Variants in SLC44A5 observed in about 807,000 individuals in gnomAD.
SLC44A5 encodes the protein choline transporter-like protein 5.
In SLC44A5, 57 loss-of-function variants were observed where a neutral mutation model predicts 101.8. The observed-to-expected ratio is 0.56, with a 90% CI of 0.45 to 0.70. The LOEUF (loss-of-function observed/expected upper bound fraction) is 0.70. SLC44A5 is among the 30% of genes least tolerant of loss of function. SLC44A5 has a pLI of 0.00. For synonymous variants in SLC44A5, 281 were observed against 290.9 expected, an observed-to-expected ratio of 0.97 and a Z score of 0.35; for missense variants, 737 against 853.1, an observed-to-expected ratio of 0.86 and a Z score of 1.70.
At chr1:75,505,594 C>T (rs1669207612) in intron 2 of SLC44A5, among the ~76,000 whole-genome samples, 1 of 152,130 alleles carries the variant, frequency 6.6e-6, no homozygotes, top group Non-Finnish European at 1.5e-5. Flanking sequence ...TTTCATGCCT[C>T]TGATGATTAA....
intron 2 of SLC44A5, among the ~76,000 whole-genome samples, chr1:75,508,712 A>G (rs1275127586): frequency 6.6e-6 from 1 of 152,214 alleles, no homozygotes; most frequent in Non-Finnish European, 1.5e-5. Context: ...AGAGACTATT[A>G]TGAACATCTC....
At chr1:75,615,931 G>C (rs1330200133), upstream of SLC44A5, 4 of 971,600 alleles carry the variant, frequency 4.1e-6, no homozygotes, top group Non-Finnish European at 4.9e-6. Flanking sequence ...CGCTTCCTCC[G>C]GCTGCCGCGC....
the SLC44A5 span, among the ~76,000 whole-genome samples, chr1:75,716,486 A>AAAAAG: frequency 2.6e-5 from 4 of 152,018 alleles, no homozygotes; most frequent in Admixed American, 1.3e-4. Flanking sequence ...AAGGAAAAAC[A>AAAAAG]AAAAGAAAAG....
At chr1:75,320,898 T>C (rs1656090039) in intron 4 of SLC44A5, among the ~76,000 whole-genome samples, 1 of 152,250 alleles carries the variant, frequency 6.6e-6, no homozygotes, top group African/African-American at 2.4e-5. Context: ...AATAAGCTAC[T>C]GATACATGAC....
At chr1:75,388,283 T>C (rs551119313) in intron 3 of SLC44A5, among the ~76,000 whole-genome samples, 1 of 146,034 alleles carries the variant, frequency 6.8e-6, no homozygotes, top group Non-Finnish European at 1.5e-5. Flanking sequence ...TCATTACCAC[T>C]AGACCAGTTT....
At chr1:75,710,736 A>G in the SLC44A5 span, among the ~76,000 whole-genome samples, 1 of 152,090 alleles carries the variant, frequency 6.6e-6, no homozygotes, top group African/African-American at 2.4e-5. Context: ...TATGGTTGCA[A>G]CAAAGATCTG....
chr1:75,441,589 G>T (rs1194012172), intron 2 of SLC44A5, among the ~76,000 whole-genome samples: 1 of 151,242 alleles, frequency 6.6e-6, no homozygotes, highest in Admixed American at 6.6e-5. Context: ...CTGGAGTATT[G>T]GTTGAATTAA....
the SLC44A5 span, among the ~76,000 whole-genome samples, chr1:75,683,277 A>G: frequency 6.6e-6 from 1 of 152,144 alleles, no homozygotes. Context: ...AAGGACTATA[A>G]ATCATGCTGC....
the SLC44A5 span, among the ~76,000 whole-genome samples, chr1:75,636,030 C>T: frequency 6.6e-6 from 1 of 151,878 alleles, no homozygotes; most frequent in Non-Finnish European, 1.5e-5. Context: ...ATACATTTTC[C>T]CCATTAAGTA....
intron 6 of SLC44A5, among the ~76,000 whole-genome samples, chr1:75,260,496 C>T (rs961304129): frequency 5.9e-5 from 9 of 151,976 alleles, no homozygotes; most frequent in African/African-American, 2.2e-4. Context: ...ATATATGCAC[C>T]CAATACAGGA....
In SLC44A5 at chr1:75,393,497, A is replaced by G. The variant is rs1249817; in HGVS notation, c.52+3086T>C. Reference sequence around the variant, plus strand: ...TTAGGTTATAAATAAAGATTTTGACATGTCAGAATCAAATTGGTAGGGGCA... The same window carrying G: ...TTAGGTTATAAATAAAGATTTTGACGTGTCAGAATCAAATTGGTAGGGGCA... On this transcript the variant is annotated intron_variant, in intron 3 of 23. Transcript: ENST00000370859. Among the ~76,000 whole-genome samples the G allele has an allele frequency of 9.0e-3, 1,378 of 152,310 alleles. 24 individuals are homozygous for G. Among genetic ancestry groups the G allele is most frequent in the African/African-American group, 0.032 (1,322 of 41,568 alleles).
intron 5 of SLC44A5, among the ~76,000 whole-genome samples, chr1:75,296,547 T>C (rs1570602481): frequency 6.6e-6 from 1 of 152,072 alleles, no homozygotes; most frequent in African/African-American, 2.4e-5. Flanking sequence ...AGGACAATTT[T>C]TTTTAGCTAG....
At chr1:75,273,893 A>T (rs143253351) in intron 6 of SLC44A5, among the ~76,000 whole-genome samples, 129 of 152,250 alleles carry the variant, frequency 8.5e-4, no homozygotes, top group African/African-American at 3.0e-3. Flanking sequence ...GGCTTCCTAG[A>T]ATGATATAGG....
chr1:75,619,861 C>T, the SLC44A5 span, among the ~76,000 whole-genome samples: 8 of 152,164 alleles, frequency 5.3e-5, 1 homozygote, highest in South Asian at 1.7e-3. Flanking sequence ...ACTTTAAGTT[C>T]TGGGATACAT....
chr1:75,445,004 T>C (rs547538260), intron 2 of SLC44A5, among the ~76,000 whole-genome samples: 1 of 152,000 alleles, frequency 6.6e-6, no homozygotes, highest in South Asian at 2.1e-4. Context: ...AACAAGAAAA[T>C]GTAATGAGAC....
intron 6 of SLC44A5, among the ~76,000 whole-genome samples, chr1:75,265,344 C>A (rs139594322): frequency 6.6e-6 from 1 of 152,074 alleles, no homozygotes; most frequent in Non-Finnish European, 1.5e-5. Flanking sequence ...CCCTGATAAA[C>A]ATAGATGCAA....
At chr1:75,668,685 T>C in the SLC44A5 span, among the ~76,000 whole-genome samples, 3 of 151,504 alleles carry the variant, frequency 2.0e-5, no homozygotes, top group Non-Finnish European at 4.4e-5. Flanking sequence ...AAAGGAACAT[T>C]TGACTGTGTG....
chr1:75,475,417 G>C (rs890372050), intron 2 of SLC44A5, among the ~76,000 whole-genome samples: 2 of 152,172 alleles, frequency 1.3e-5, no homozygotes, highest in African/African-American at 2.4e-5. Context: ...ATTAGCGATT[G>C]AGTTTAAACT....
intron 3 of SLC44A5, among the ~76,000 whole-genome samples, chr1:75,366,640 A>G (rs909185067): frequency 2.6e-5 from 4 of 152,128 alleles, no homozygotes; most frequent in Non-Finnish European, 4.4e-5. Context: ...ATTTCTTGTT[A>G]TGAAATTCTT....
Sources: gnomAD v4.1 joint callset for allele counts (sites outside exome capture counted in the v4.1 genomes callset) on GRCh38, gnomAD v4.1.1 for gene constraint, MANE v1.5 for transcripts, NCBI Gene and HGNC (gene_info 2026-07-23, HGNC 2026-07-21) for gene names.